The following TATDN3 variants were observed in gnomAD, a reference collection of about 807,000 sequenced individuals.
TATDN3 encodes the protein TatD DNase domain containing 3.
In TATDN3, 29 loss-of-function variants were observed where a neutral mutation model predicts 40.1. The ratio of observed to expected loss-of-function variants is 0.72; its 90% CI spans 0.54 to 0.99. The LOEUF (loss-of-function observed/expected upper bound fraction) is 0.99, where lower values mean the gene tolerates loss of function less well. Among genes scored for constraint, TATDN3 ranks in the 50% least tolerant of loss-of-function variants. The pLI, the probability that TATDN3 is intolerant of heterozygous loss-of-function variation, is 0.00. For missense variants in TATDN3, 309 were observed against 321.9 expected, an observed-to-expected ratio of 0.96 and a Z score of 0.31; for synonymous variants, 105 against 117.0, an observed-to-expected ratio of 0.90 and a Z score of 0.66.
chr1:212,815,179 A>G lies in TATDN3; in HGVS notation c.*23A>G. 6.3e-7 allele frequency: 1 copy of G among 1,596,944 alleles called. No homozygotes were observed. The highest frequency in any genetic ancestry group is 8.5e-7 in the Non-Finnish European group (1 of 1,174,298). On this transcript the variant is annotated 3_prime_UTR_variant, in exon 10 of 10. Transcript: ENST00000366974. Reference sequence around the variant, plus strand: ...TAGCTTCAAAACCATCCATTACAAAATCGAATCAACTGCAGGGGGCAGCAT... The same window carrying G: ...TAGCTTCAAAACCATCCATTACAAAGTCGAATCAACTGCAGGGGGCAGCAT...
At position 212,800,304 on chromosome 1, in the gene TATDN3, T is replaced by G. The variant is rs140785291; in HGVS notation, c.259-2397T>G. ...GGGTGGATTTGGCATATATTTGGCA[T>G]TAATATAGAATTGATTGGACTGGTT... On this transcript the variant is annotated intron_variant, in intron 4 of 9. Coordinates refer to ENST00000366974, the MANE Select transcript of TATDN3 (RefSeq NM_001042552.3). Among the ~76,000 whole-genome samples, 654 of 152,116 alleles carry G rather than the reference T, an allele frequency of 4.3e-3. 1 individual carries two copies. The highest frequency in any genetic ancestry group is 7.1e-3 in the South Asian group (34 of 4,820).
chr1:212,812,123 G>A lies in TATDN3; in HGVS notation c.601-125G>A, dbSNP rs181892963. ...GCTGGGATTACAGGCGTGAGCCACC[G>A]CGCCCAGCCTAAAGCATAAATTTTA... is the stretch of plus-strand genomic sequence containing the variant. On this transcript the variant is annotated intron_variant, in intron 8 of 9. Transcript: ENST00000366974. 4.1e-5 allele frequency: 24 copies of A among 591,550 alleles called. No homozygotes were observed. In the Admixed American group the frequency reaches 5.3e-4, roughly 13 times the overall value. 36.6% of individuals were successfully genotyped at this position (591,550 alleles called of 1,614,324 possible).
chr1:212,815,309 C>A lies in TATDN3; in HGVS notation c.*153C>A. On this transcript the variant is annotated 3_prime_UTR_variant, in exon 10 of 10. Transcript: ENST00000366974. ...AGAAATATTTCTCTTAGAAATAAAACTGGGCTTGGATCCTGAAACCCTGGG... is the reference window on the plus strand; with the variant it reads ...AGAAATATTTCTCTTAGAAATAAAAATGGGCTTGGATCCTGAAACCCTGGG... 1.1e-6 allele frequency: 1 copy of A among 942,048 alleles called. No individual in the cohort carries two copies. Among genetic ancestry groups the A allele is most frequent in the Non-Finnish European group, 1.5e-6 (1 of 688,662 alleles). The allele number at this position is 942,048 out of a possible 1,614,324, so 58.4% of individuals were successfully genotyped here.
chr1:212,813,566 CTTTTT>C (rs202183479), intron 9 of TATDN3, among the ~76,000 whole-genome samples: 3 of 130,968 alleles, frequency 2.3e-5, no homozygotes, highest in East Asian at 2.2e-4. Flanking sequence ...TCTTTCTTTT[CTTTTT>C]TTTTTTTTTT....
At chr1:212,807,912 T>C in intron 8 of TATDN3, 64 bp downstream of exon 8, 1 of 1,086,456 alleles carries the variant, frequency 9.2e-7, no homozygotes, top group Non-Finnish European at 1.4e-6. Context: ...TGAGCTTTTC[T>C]TCCATACTTG....
Position 212,816,338 on chromosome 1 carries a change from CAAA to C in TATDN3, c.*1187_*1189del, listed in dbSNP as rs915489701. The C allele has an allele frequency of 1.3e-5, 2 of 151,880 alleles. No homozygotes were observed. Among genetic ancestry groups the C allele is most frequent in the South Asian group, 4.1e-4 (2 of 4,820 alleles). The allele number at this position is 151,880 out of a possible 1,614,324, so 9.4% of individuals were successfully genotyped here. ...TAAAAATGTAAATAAATAAAAATCT[CAAA>C]AAAATTAAAAATCTCAAGTGTAAAA... On this transcript the variant is annotated 3_prime_UTR_variant, in exon 10 of 10. Coordinates refer to ENST00000366974, the MANE Select transcript of TATDN3 (RefSeq NM_001042552.3).
intron 4 of TATDN3, among the ~76,000 whole-genome samples, chr1:212,800,848 T>G (rs1341971353): frequency 6.6e-6 from 1 of 151,892 alleles, no homozygotes; most frequent in Non-Finnish European, 1.5e-5. Context: ...AATAATTATA[T>G]AGTAGTATTA....
chr1:212,801,316 T>C (rs923050292), intron 4 of TATDN3, among the ~76,000 whole-genome samples: 1 of 152,118 alleles, frequency 6.6e-6, no homozygotes, highest in Non-Finnish European at 1.5e-5. Context: ...CTTATAAATA[T>C]GTTTACATCT....
intron 7 of TATDN3, among the ~76,000 whole-genome samples, chr1:212,805,979 T>G (rs559464444): frequency 6.6e-6 from 1 of 152,344 alleles, no homozygotes; most frequent in East Asian, 1.9e-4. Context: ...GAAACTAAAC[T>G]AAGTTGGTTT....
intron 1 of TATDN3, chr1:212,794,716 C>T (rs1264202829): frequency 2.1e-6 from 1 of 467,452 alleles, no homozygotes; most frequent in Admixed American, 2.3e-5. Flanking sequence ...GGAAGGGGAG[C>T]TAGTCAAGGA....
intron 9 of TATDN3, among the ~76,000 whole-genome samples, chr1:212,814,382 T>C (rs1409147291): frequency 6.6e-6 from 1 of 152,190 alleles, no homozygotes; most frequent in East Asian, 1.9e-4. Context: ...GTAACAATAA[T>C]AATTTATTTC....
intron 7 of TATDN3, among the ~76,000 whole-genome samples, chr1:212,806,783 T>TATATATATATACACACAC (rs796710955): frequency 1.3e-5 from 1 of 79,522 alleles, no homozygotes; most frequent in Non-Finnish European, 2.4e-5. Context: ...TATATATATA[T>TATATATATATACACACAC]ACACACACAC....
chr1:212,801,782 T>G (rs879403830), intron 4 of TATDN3, among the ~76,000 whole-genome samples: 4 of 152,214 alleles, frequency 2.6e-5, no homozygotes, highest in African/African-American at 4.8e-5. Flanking sequence ...TGTTAATTCT[T>G]CTTCCAGTCT....
intron 2 of TATDN3, among the ~76,000 whole-genome samples, chr1:212,795,955 A>G (rs1055367009): frequency 1.3e-5 from 2 of 152,234 alleles, no homozygotes; most frequent in East Asian, 3.8e-4. Context: ...TATAGCTACC[A>G]TGCTCAACAG....
intron 5 of TATDN3, among the ~76,000 whole-genome samples, chr1:212,803,060 G>GT: frequency 6.6e-6 from 1 of 151,618 alleles, no homozygotes; most frequent in South Asian, 2.1e-4. Context: ...AGTTAATATA[G>GT]TATCTATAAT....
chr1:212,813,165 T>C (rs543834494), intron 9 of TATDN3, among the ~76,000 whole-genome samples: 3 of 152,348 alleles, frequency 2.0e-5, no homozygotes, highest in South Asian at 4.1e-4. Flanking sequence ...ATACAAGTAT[T>C]GATATAATCA....
In TATDN3 at chr1:212,804,461, A is replaced by T; in HGVS notation, c.431+32A>T. On this transcript the variant is annotated intron_variant, in intron 6 of 9. Coordinates refer to ENST00000366974, the MANE Select transcript of TATDN3 (RefSeq NM_001042552.3). ...TAATTATTTTCCTATGTTAATAGCT[A>T]TAGAGCAAATTAAATAATGATCAGA... 3 of 1,580,992 alleles carry T rather than the reference A, an allele frequency of 1.9e-6. No homozygotes were observed. In the South Asian group the frequency reaches 3.4e-5, roughly 18 times the overall value.
intron 1 of TATDN3, chr1:212,794,880 T>C (rs534458020): frequency 3.2e-5 from 21 of 656,598 alleles, no homozygotes; most frequent in African/African-American, 1.6e-4. Flanking sequence ...TATTTGACAA[T>C]AGAGGCTTCT....
intron 8 of TATDN3, 27 bp downstream of exon 8, chr1:212,807,875 A>G: frequency 7.2e-7 from 1 of 1,396,428 alleles, no homozygotes. Flanking sequence ...AAACTCATCT[A>G]ATACTTATGA....
Sources: allele counts gnomAD v4.1 joint callset (sites outside exome capture counted in the v4.1 genomes callset), GRCh38; gene constraint gnomAD v4.1.1; transcripts MANE v1.5; gene names NCBI Gene and HGNC (gene_info 2026-07-23, HGNC 2026-07-21).